Variants in SHPK observed in about 807,000 individuals in gnomAD.
SHPK encodes carbohydrate kinase-like protein.
A neutral mutation model predicts 46.3 loss-of-function variants in SHPK; 51 were observed. The ratio of observed to expected loss-of-function variants is 1.10; its 90% CI spans 0.88 to 1.39. SHPK has a LOEUF of 1.39. Among genes scored for constraint, SHPK ranks in the 40% most tolerant of loss-of-function variants. The probability of loss-of-function intolerance (pLI) is 0.00; values close to 1 mark genes in which losing one functional copy is unlikely to be tolerated. For missense variants in SHPK, 668 were observed against 641.3 expected, an observed-to-expected ratio of 1.04 and a Z score of -0.45; for synonymous variants, 290 against 273.9, an observed-to-expected ratio of 1.06 and a Z score of -0.58.
intron 4 of SHPK, among the ~76,000 whole-genome samples, chr17:3,622,924 C>T (rs2075411544): frequency 2.0e-5 from 3 of 152,086 alleles, no homozygotes; most frequent in South Asian, 2.1e-4. Flanking sequence ...AGGCTGGTCT[C>T]GAACTCCTGA....
intron 2 of SHPK, among the ~76,000 whole-genome samples, chr17:3,628,127 C>T (rs1013753585): frequency 6.6e-5 from 10 of 152,044 alleles, no homozygotes; most frequent in Admixed American, 2.6e-4. Context: ...TCTAAATTGC[C>T]GACTCTCCAT....
chr17:3,620,123 C>T (rs1033791577), intron 5 of SHPK, among the ~76,000 whole-genome samples: 3 of 152,146 alleles, frequency 2.0e-5, no homozygotes, highest in Non-Finnish European at 2.9e-5. Flanking sequence ...ACAACAGAGA[C>T]GGCATGATCC....
Position 3,626,393 on chromosome 17 carries a change from G to C in SHPK, c.311-2162C>G, listed in dbSNP as rs542976442. ...TCCCTTTCTGGTCTCTTATGATTTA[G>C]ATGCTAGTGCTTCTGTTTGTATCCT... On this transcript the variant is annotated intron_variant, in intron 2 of 6. Coordinates refer to ENST00000225519, the MANE Select transcript of SHPK (RefSeq NM_013276.4). Among the ~76,000 whole-genome samples the C allele has an allele frequency of 6.8e-4, 103 of 151,976 alleles. 4 individuals are homozygous for C. The South Asian group carries it at 0.021, about 31-fold the overall frequency.
In SHPK at chr17:3,610,965, C is replaced by T. The variant is rs749347923; in HGVS notation, c.1032G>A (p.Glu344=). 7 of 1,603,232 alleles carry T rather than the reference C, an allele frequency of 4.4e-6. No individual in the cohort carries two copies. The highest frequency in any genetic ancestry group is 3.3e-5 in the Admixed American group (2 of 59,730). ...LVQWMADLGL[E]VEESTVYSRM... Reference sequence around the variant, plus strand: ...GTGAATACACAGTGGATTCTTCAACCTCCAGGCCTGCCAGAGACAGAGAAG... The same window carrying T: ...GTGAATACACAGTGGATTCTTCAACTTCCAGGCCTGCCAGAGACAGAGAAG... The change falls in exon 7 of 7, where the codon GAG becomes GAA. Residue 344 remains glutamate (E), a synonymous_variant. Coordinates refer to ENST00000225519, the MANE Select transcript of SHPK (RefSeq NM_013276.4).
chr17:3,615,486 A>C lies in SHPK; in HGVS notation c.875T>G (p.Phe292Cys). ...AGGGTCTGGAGTCTGTGCAGGCTGG[A>C]ATCCTGAAGGCATGGAGGCTGCCAG... Reference protein sequence around the residue: ...VQLAASMPSGFQPAQTPDPTA... With the variant: ...VQLAASMPSGCQPAQTPDPTA... The change falls in exon 6 of 7, where the codon TTC becomes TGC. Residue 292 changes from phenylalanine to cysteine, a missense_variant. Physicochemically the swap from Phe to Cys is radical, Grantham distance 205 (BLOSUM62 -2). Coordinates refer to ENST00000225519, the MANE Select transcript of SHPK (RefSeq NM_013276.4). 3 of 1,614,162 alleles carry C rather than the reference A, an allele frequency of 1.9e-6. No homozygotes were observed. The highest frequency in any genetic ancestry group is 2.5e-6 in the Non-Finnish European group (3 of 1,180,036).
chr17:3,614,526 A>AAAAAGAAAAGAAAAG (rs150410890), intron 6 of SHPK, among the ~76,000 whole-genome samples: 4 of 146,404 alleles, frequency 2.7e-5, no homozygotes, highest in African/African-American at 7.8e-5. Context: ...CTCCATCTCA[A>AAAAAGAAAAGAAAAG]AAAAGAAAAG....
intron 1 of SHPK, among the ~76,000 whole-genome samples, chr17:3,633,312 T>A (rs577511668): frequency 1.0e-3 from 153 of 151,442 alleles, no homozygotes; most frequent in African/African-American, 3.6e-3. Context: ...TGGTTCCTAC[T>A]CGGGGTGGTC....
chr17:3,616,738 T>C (rs2075373198), intron 5 of SHPK, among the ~76,000 whole-genome samples: 1 of 152,144 alleles, frequency 6.6e-6, no homozygotes, highest in South Asian at 2.1e-4. Flanking sequence ...TTGTTGCTTT[T>C]GTTTTTGCTT....
At chr17:3,619,861 G>A (rs917813997) in intron 5 of SHPK, 1 of 313,318 alleles carries the variant, frequency 3.2e-6, no homozygotes, top group Non-Finnish European at 6.4e-6. Flanking sequence ...CTACCTGTGA[G>A]CACCTGACAA....
Position 3,624,293 on chromosome 17 carries a change from T to G in SHPK, c.311-62A>C. On this transcript the variant is annotated intron_variant, in intron 2 of 6. Coordinates refer to ENST00000225519, the MANE Select transcript of SHPK (RefSeq NM_013276.4). ...GCAAATGACTAGGCATGGCGCGGCCTTGATACTACTCTGCTGGTGAGTGAC... is the reference window on the plus strand; with the variant it reads ...GCAAATGACTAGGCATGGCGCGGCCGTGATACTACTCTGCTGGTGAGTGAC... The G allele has an allele frequency of 3.4e-6, 5 of 1,468,028 alleles. No individual in the cohort carries two copies. In the South Asian group the frequency reaches 3.7e-5, roughly 11 times the overall value. 90.9% of individuals were successfully genotyped at this position (1,468,028 alleles called of 1,614,324 possible). A position where few individuals can be genotyped will look rare whatever the true frequency, so the allele number is the denominator to read the frequency against.
At chr17:3,615,282 C>A in intron 6 of SHPK, 55 bp downstream of exon 6, 1 of 1,578,302 alleles carries the variant, frequency 6.3e-7, no homozygotes, top group South Asian at 1.1e-5. Context: ...CTCCGAGACC[C>A]TGCCGGGTAG....
At chr17:3,634,075 C>T (rs373515300) in intron 1 of SHPK, among the ~76,000 whole-genome samples, 7,900 of 147,908 alleles carry the variant, frequency 0.053, 213 homozygotes, top group Middle Eastern at 0.11. Flanking sequence ...GGCAGCATGC[C>T]CGTTAAGAGT....
At chr17:3,632,969 T>A (rs984828215) in intron 1 of SHPK, among the ~76,000 whole-genome samples, 1 of 140,654 alleles carries the variant, frequency 7.1e-6, no homozygotes, top group Admixed American at 8.2e-5. Context: ...CAGCAGATAT[T>A]ACTTTTTTTT....
At chr17:3,620,550 G>A (rs1355523128) in intron 5 of SHPK, among the ~76,000 whole-genome samples, 2 of 151,340 alleles carry the variant, frequency 1.3e-5, no homozygotes, top group African/African-American at 4.9e-5. Context: ...ACAGGCATGA[G>A]CCACTGCGCC....
chr17:3,632,554 G>A (rs1342449270), intron 1 of SHPK, among the ~76,000 whole-genome samples: 2 of 152,144 alleles, frequency 1.3e-5, no homozygotes, highest in Non-Finnish European at 1.5e-5. Context: ...GTAAAGACAA[G>A]GAGGCAGTGT....
intron 6 of SHPK, among the ~76,000 whole-genome samples, chr17:3,613,174 C>T (rs2075350929): frequency 6.6e-6 from 1 of 152,208 alleles, no homozygotes; most frequent in Non-Finnish European, 1.5e-5. Context: ...TCTGAGGAGA[C>T]AGTTCTAGAG....
chr17:3,622,706 C>CCTTT lies in SHPK; in HGVS notation c.647+632_647+633insAAAG, dbSNP rs2075410009. 1.3e-4 allele frequency: 28 copies of CCTTT among 220,876 alleles called. No individual in the cohort carries two copies. In the South Asian group the frequency reaches 4.9e-3, roughly 38 times the overall value. 13.7% of individuals were successfully genotyped at this position (220,876 alleles called of 1,614,324 possible). On this transcript the variant is annotated intron_variant, in intron 4 of 6. Coordinates refer to ENST00000225519, the MANE Select transcript of SHPK (RefSeq NM_013276.4). ...AGCCTACTATCTCTAGTTCTTTTTT[C>CCTTT]TTTTTTTTTTTTTTTGAGACAAGAG...
chr17:3,619,207 T>C (rs1186025182), intron 5 of SHPK: 10 of 507,076 alleles, frequency 2.0e-5, no homozygotes, highest in African/African-American at 1.6e-4. Context: ...TCAGCCTACG[T>C]TGCAGCTAAG....
chr17:3,634,153 C>T (rs1000597128), intron 1 of SHPK, among the ~76,000 whole-genome samples: 2 of 148,944 alleles, frequency 1.3e-5, no homozygotes, highest in Non-Finnish European at 1.5e-5. Context: ...GGTCCTCTGC[C>T]TAGGAAAACC....
Sources: gnomAD v4.1 joint callset for allele counts (sites outside exome capture counted in the v4.1 genomes callset) on GRCh38, gnomAD v4.1.1 for gene constraint, MANE v1.5 for transcripts, NCBI Gene and HGNC (gene_info 2026-07-23, HGNC 2026-07-21) for gene names.